Variants in DSCAM observed in about 807,000 individuals in gnomAD.
DSCAM encodes DS cell adhesion molecule.
A neutral mutation model predicts 217.7 loss-of-function variants in DSCAM; 47 were observed. The ratio of observed to expected loss-of-function variants is 0.22; its 90% CI spans 0.17 to 0.28. The LOEUF is 0.28. Ranked by LOEUF, DSCAM falls within the 10% of genes least tolerant of loss-of-function variation. The probability of loss-of-function intolerance (pLI) is 1.00; values close to 1 mark genes in which losing one functional copy is unlikely to be tolerated. For missense variants in DSCAM, 2,080 were observed against 2,618.3 expected (o/e 0.79, Z 4.49); for synonymous variants, 1,056 against 1,015.3 (o/e 1.04, Z -0.76).
At chr21:40,345,070 A>ATT (rs568083551) in intron 6 of DSCAM, among the ~76,000 whole-genome samples, 187 of 151,600 alleles carry the variant, frequency 1.2e-3, no homozygotes, top group African/African-American at 4.3e-3. Context: ...AAATATGGTG[A>ATT]TTTTTTTTCA....
In DSCAM at chr21:40,322,787, A is replaced by G. The variant is rs111449812; in HGVS notation, c.1784-10428T>C. Among the ~76,000 whole-genome samples, 673 of 152,322 alleles carry G rather than the reference A, an allele frequency of 4.4e-3. 4 individuals carry two copies. Among genetic ancestry groups the G allele is most frequent in the African/African-American group, 0.015 (638 of 41,578 alleles). ...TGATTTACCCGCCTCGGCCTCCCAA[A>G]GTGCTGGGATTACAGGCGTGAGCCA... On this transcript the variant is annotated intron_variant, in intron 8 of 32. Coordinates refer to ENST00000400454, the MANE Select transcript of DSCAM (RefSeq NM_001389.5).
At chr21:40,599,902 C>A (rs1265627909) in intron 3 of DSCAM, among the ~76,000 whole-genome samples, 1 of 152,056 alleles carries the variant, frequency 6.6e-6, no homozygotes, top group East Asian at 1.9e-4. Flanking sequence ...CAAGATGAAA[C>A]CAGGAAGAAG....
chr21:40,265,424 C>T (rs1347972268), intron 11 of DSCAM, among the ~76,000 whole-genome samples: 2 of 151,652 alleles, frequency 1.3e-5, no homozygotes, highest in Non-Finnish European at 2.9e-5. Flanking sequence ...CCATACTGCT[C>T]AGTAATCTAC....
chr21:40,043,647 G>T (rs1343670980), intron 31 of DSCAM, among the ~76,000 whole-genome samples: 1 of 152,190 alleles, frequency 6.6e-6, no homozygotes, highest in Admixed American at 6.5e-5. Flanking sequence ...ATCAGCCTGT[G>T]TTCCCTATAG....
chr21:40,075,386 C>T (rs378877), intron 26 of DSCAM, among the ~76,000 whole-genome samples, 173 bp from the exon 27 acceptor site: 51,995 of 151,978 alleles, frequency 0.34, 9,645 homozygotes, highest in South Asian at 0.62. Context: ...TATTTATTTC[C>T]CTCCCTCTGC....
chr21:40,225,920 A>G (rs541110911), intron 11 of DSCAM, among the ~76,000 whole-genome samples: 159 of 152,306 alleles, frequency 1.0e-3, no homozygotes, highest in Non-Finnish European at 2.1e-3. Context: ...CCATCACTAC[A>G]TTGATATATT....
intron 20 of DSCAM, among the ~76,000 whole-genome samples, chr21:40,099,696 C>T (rs1247076413): frequency 1.3e-5 from 2 of 152,186 alleles, no homozygotes; most frequent in South Asian, 2.1e-4. Flanking sequence ...CCTAAAGATG[C>T]CAGTGCCTTC....
chr21:40,504,166 A>T (rs1453423632), intron 3 of DSCAM, among the ~76,000 whole-genome samples: 1 of 152,162 alleles, frequency 6.6e-6, no homozygotes, highest in African/African-American at 2.4e-5. Context: ...AAGAGAAGAG[A>T]AGAGGAAAGA....
intron 3 of DSCAM, among the ~76,000 whole-genome samples, chr21:40,403,629 G>GCGCACACACACA (rs374617687): frequency 3.9e-4 from 57 of 145,890 alleles, no homozygotes; most frequent in African/African-American, 1.3e-3. Flanking sequence ...GCATGCATGT[G>GCGCACACACACA]CACACACACA....
chr21:40,346,403 T>C (rs375699289), intron 6 of DSCAM, among the ~76,000 whole-genome samples: 142 of 152,360 alleles, frequency 9.3e-4, no homozygotes, highest in African/African-American at 3.2e-3. Context: ...GACAGAAATA[T>C]GGTCTTATAA....
intron 19 of DSCAM, 49 bp from the exon 20 acceptor site, chr21:40,124,377 T>G: frequency 6.2e-7 from 1 of 1,608,388 alleles, no homozygotes; most frequent in Non-Finnish European, 8.5e-7. Context: ...AACTTGGGCT[T>G]GCGGACCCAC....
intron 11 of DSCAM, among the ~76,000 whole-genome samples, chr21:40,219,211 T>G (rs1458932866): frequency 6.6e-6 from 1 of 152,216 alleles, no homozygotes; most frequent in Non-Finnish European, 1.5e-5. Flanking sequence ...ATCAAAAGCC[T>G]TTCCTGCATC....
intron 3 of DSCAM, among the ~76,000 whole-genome samples, chr21:40,425,909 T>C (rs2075470479): frequency 6.6e-6 from 1 of 152,204 alleles, no homozygotes; most frequent in Admixed American, 6.5e-5. Flanking sequence ...ACTATGTATA[T>C]ATGGATATCT....
At chr21:40,446,834 A>T (rs1411845128) in intron 3 of DSCAM, among the ~76,000 whole-genome samples, 1 of 152,198 alleles carries the variant, frequency 6.6e-6, no homozygotes, top group Non-Finnish European at 1.5e-5. Context: ...TAAGAATGAA[A>T]ATATAAATCC....
chr21:40,663,173 T>C (rs188495141), intron 3 of DSCAM, among the ~76,000 whole-genome samples: 17 of 148,268 alleles, frequency 1.1e-4, no homozygotes, highest in African/African-American at 4.2e-4. Flanking sequence ...TGTCAGTGTG[T>C]GTGGTGTGTG....
chr21:40,542,887 T>C (rs1240703672), intron 3 of DSCAM, among the ~76,000 whole-genome samples: 2 of 152,138 alleles, frequency 1.3e-5, no homozygotes, highest in African/African-American at 4.8e-5. Flanking sequence ...CATGTCACAA[T>C]ATTAGAAACG....
chr21:40,079,063 C>T (rs2089414721), intron 25 of DSCAM, 86 bp from the exon 26 acceptor site: 1 of 1,475,224 alleles, frequency 6.8e-7, no homozygotes. Flanking sequence ...GGACTGCTTC[C>T]TCCAGCGAGG....
At chr21:40,022,283 T>C (rs970641637) in intron 32 of DSCAM, among the ~76,000 whole-genome samples, 5 of 152,152 alleles carry the variant, frequency 3.3e-5, no homozygotes, top group African/African-American at 7.2e-5. Context: ...TTGATACCTA[T>C]TGGTCAGAGG....
intron 11 of DSCAM, among the ~76,000 whole-genome samples, chr21:40,275,517 C>T (rs1347053411): frequency 1.3e-5 from 2 of 152,128 alleles, no homozygotes; most frequent in Admixed American, 6.5e-5. Flanking sequence ...TGCCAGTTAC[C>T]AATGTATGAG....
Sources: gnomAD v4.1 joint callset for allele counts (sites outside exome capture counted in the v4.1 genomes callset) on GRCh38, gnomAD v4.1.1 for gene constraint, MANE v1.5 for transcripts, NCBI Gene and HGNC (gene_info 2026-07-23, HGNC 2026-07-21) for gene names.